Variants in C8orf34 observed in about 807,000 individuals in gnomAD.
C8orf34 encodes chromosome 8 open reading frame 34.
In C8orf34, 65 loss-of-function variants were observed where a neutral mutation model predicts 68.3. The observed-to-expected ratio is 0.95, with a 90% confidence interval of 0.78 to 1.17. C8orf34 has a LOEUF of 1.17. Ranked by LOEUF, C8orf34 falls within the 50% of genes most tolerant of loss-of-function variation. The pLI, the probability that C8orf34 is intolerant of heterozygous loss-of-function variation, is 0.00. For missense variants in C8orf34, 664 were observed against 655.4 expected, an observed-to-expected ratio of 1.01 and a Z score of -0.14; for synonymous variants, 244 against 241.2, an observed-to-expected ratio of 1.01 and a Z score of -0.11.
At chr8:68,746,212 A>G (rs1822486767) in intron 10 of C8orf34, among the ~76,000 whole-genome samples, 1 of 151,932 alleles carries the variant, frequency 6.6e-6, no homozygotes. Flanking sequence ...AACATACCAG[A>G]ATCTCTCGGA....
intron 1 of C8orf34, among the ~76,000 whole-genome samples, chr8:68,406,975 C>G (rs1809224626): frequency 6.6e-6 from 1 of 152,156 alleles, no homozygotes; most frequent in Non-Finnish European, 1.5e-5. Context: ...AAGCCAGGAG[C>G]TGTCTCAGAA....
At chr8:68,537,562 A>G (rs922741405) in intron 7 of C8orf34, among the ~76,000 whole-genome samples, 1 of 150,094 alleles carries the variant, frequency 6.7e-6, no homozygotes, top group African/African-American at 2.5e-5. Flanking sequence ...GAGCACTTGA[A>G]AAATGAACTG....
At chr8:68,537,315 G>A (rs1005448961) in intron 7 of C8orf34, among the ~76,000 whole-genome samples, 91 of 152,050 alleles carry the variant, frequency 6.0e-4, no homozygotes, top group African/African-American at 2.2e-3. Context: ...ACTATACATA[G>A]AAACTCTTTT....
At chr8:68,469,954 G>A (rs1005105187) in intron 4 of C8orf34, among the ~76,000 whole-genome samples, 1 of 151,528 alleles carries the variant, frequency 6.6e-6, no homozygotes, top group South Asian at 2.1e-4. Flanking sequence ...GTGTGTGTGT[G>A]TGTATGTGTG....
chr8:68,455,984 G>T (rs947794286), intron 3 of C8orf34, among the ~76,000 whole-genome samples: 1 of 151,640 alleles, frequency 6.6e-6, no homozygotes, highest in African/African-American at 2.4e-5. Flanking sequence ...GGTGGCTCAC[G>T]CCTGTAATTC....
intron 1 of C8orf34, among the ~76,000 whole-genome samples, chr8:68,428,969 A>G (rs1483270829): frequency 2.6e-5 from 4 of 152,148 alleles, no homozygotes; most frequent in African/African-American, 7.2e-5. Context: ...TACCTGTGCA[A>G]GGCAAAAACA....
chr8:68,552,885 C>T (rs1816120805), intron 7 of C8orf34, among the ~76,000 whole-genome samples: 1 of 151,952 alleles, frequency 6.6e-6, no homozygotes, highest in Non-Finnish European at 1.5e-5. Context: ...TATGTTACCT[C>T]AACCTTGTAT....
intron 1 of C8orf34, among the ~76,000 whole-genome samples, chr8:68,365,230 G>T (rs2129619533): frequency 8.3e-6 from 1 of 120,416 alleles, no homozygotes; most frequent in East Asian, 2.6e-4. Context: ...CCAATAACAG[G>T]AGCTGAAATT....
chr8:68,779,439 A>G (rs2129528715), intron 11 of C8orf34, among the ~76,000 whole-genome samples: 1 of 152,312 alleles, frequency 6.6e-6, no homozygotes, highest in East Asian at 1.9e-4. Context: ...GCCAGAGGCA[A>G]CATACATGGG....
At chr8:68,758,461 TG>T (rs1393324737) in intron 10 of C8orf34, among the ~76,000 whole-genome samples, 1 of 152,138 alleles carries the variant, frequency 6.6e-6, no homozygotes, top group African/African-American at 2.4e-5. Flanking sequence ...TAGTCTGCAG[TG>T]GTCTTGGCTG....
intron 7 of C8orf34, among the ~76,000 whole-genome samples, chr8:68,605,062 C>T (rs77881934): frequency 0.011 from 1,669 of 152,028 alleles, 29 homozygotes; most frequent in African/African-American, 0.038. Flanking sequence ...TAACAGATAC[C>T]TCACCAAGGA....
At chr8:68,415,144 G>A (rs1809610325) in intron 1 of C8orf34, among the ~76,000 whole-genome samples, 4 of 152,144 alleles carry the variant, frequency 2.6e-5, no homozygotes, top group Non-Finnish European at 5.9e-5. Context: ...CAGGAATCAT[G>A]TTTTCCATCG....
chr8:68,732,632 T>C (rs1033810267), intron 10 of C8orf34, among the ~76,000 whole-genome samples: 4 of 152,176 alleles, frequency 2.6e-5, no homozygotes, highest in African/African-American at 9.7e-5. Flanking sequence ...TTCCAATTTC[T>C]TCCATTCATT....
At chr8:68,699,222 A>C (rs1402295360) in intron 8 of C8orf34, among the ~76,000 whole-genome samples, 1 of 151,798 alleles carries the variant, frequency 6.6e-6, no homozygotes, top group Non-Finnish European at 1.5e-5. Context: ...ATGTCCATTT[A>C]GATTGGTTTT....
intron 7 of C8orf34, among the ~76,000 whole-genome samples, chr8:68,554,195 T>G (rs1816178135): frequency 6.6e-6 from 1 of 152,148 alleles, no homozygotes. Context: ...ATGTTATACT[T>G]ACAACTCTAG....
chr8:68,772,816 TTCTG>T (rs140319178), intron 10 of C8orf34, among the ~76,000 whole-genome samples: 1,985 of 149,496 alleles, frequency 0.013, 41 homozygotes, highest in African/African-American at 0.044. Context: ...CTTTCTTTCT[TTCTG>T]TCTGTCTTTC....
intron 7 of C8orf34, among the ~76,000 whole-genome samples, chr8:68,623,323 A>T (rs943944919): frequency 2.0e-5 from 3 of 152,142 alleles, no homozygotes; most frequent in Non-Finnish European, 4.4e-5. Context: ...AGTGGTTCTC[A>T]ACCTAGCACC....
At chr8:68,643,085 C>G (rs1819061386) in intron 8 of C8orf34, among the ~76,000 whole-genome samples, 1 of 152,124 alleles carries the variant, frequency 6.6e-6, no homozygotes, top group Admixed American at 6.5e-5. Context: ...GTTGGGGACC[C>G]CCATGCTATA....
At chr8:68,773,918 C>T (rs1308829646) in intron 10 of C8orf34, among the ~76,000 whole-genome samples, 2 of 152,130 alleles carry the variant, frequency 1.3e-5, no homozygotes, top group African/African-American at 2.4e-5. Flanking sequence ...ACGGTCATCA[C>T]CAGGTCTTAG....
Sources: allele counts gnomAD v4.1 joint callset (sites outside exome capture counted in the v4.1 genomes callset), GRCh38; gene constraint gnomAD v4.1.1; transcripts MANE v1.5; gene names NCBI Gene and HGNC (gene_info 2026-07-23, HGNC 2026-07-21).